ZNFX1: variants seen among roughly 807,000 people sequenced by gnomAD.
The protein encoded by ZNFX1 is zinc finger NFX1-type containing 1.
In ZNFX1, 78 loss-of-function variants were observed where a neutral mutation model predicts 179.8. The ratio of observed to expected loss-of-function variants is 0.43; its 90% CI spans 0.36 to 0.52. ZNFX1 has a LOEUF of 0.52. Among genes scored for constraint, ZNFX1 ranks in the 20% least tolerant of loss-of-function variants. ZNFX1 has a pLI of 0.00. For synonymous variants in ZNFX1, 848 were observed against 868.5 expected (o/e 0.98, Z 0.42); for missense variants, 1,927 against 2,386.6 (o/e 0.81, Z 4.01).
At chr20:49,257,321 T>C in intron 8 of ZNFX1, 96 bp downstream of exon 8, 1 of 1,522,738 alleles carries the variant, frequency 6.6e-7, no homozygotes, top group South Asian at 1.2e-5. Flanking sequence ...ACTTAGCTAA[T>C]TGTAATGGTG....
Position 49,270,473 on chromosome 20 carries a change from G to T in ZNFX1, c.1339C>A (p.Arg447=). The change falls in exon 3 of 14, where the codon CGA becomes AGA. Residue 447 remains arginine (R), a synonymous_variant. Transcript: ENST00000396105. This position sits in a 1 kb window ranked among gnomAD's most constrained non-coding sequence, Gnocchi z 4.6. ...CATACCAAAGACCCATAGAGCAATC[G>T]TTTGGAATTCTGCCAGCGAACAAAC... ...LKFVRWQNSK[R]LLYGSLVCMS... is the part of the protein sequence containing the mutation. The T allele has an allele frequency of 6.2e-7, 1 of 1,614,196 alleles. No individual in the cohort carries two copies. The highest frequency in any genetic ancestry group is 8.5e-7 in the Non-Finnish European group (1 of 1,180,036).
chr20:49,264,910 T>C, intron 4 of ZNFX1, 46 bp from the exon 5 acceptor site: 8 of 1,613,026 alleles, frequency 5.0e-6, no homozygotes, highest in Non-Finnish European at 6.8e-6. Context: ...GAGCTTATGC[T>C]AGGTTCTCTC....
rs370193043 is a variant in ZNFX1, at chr20:49,255,869, C to T, written c.2743G>A (p.Glu915Lys). Residue 915 changes from glutamate to lysine, a missense_variant, in exon 9 of 14, where the codon GAG becomes AAG. By Grantham distance (56) the Glu-to-Lys change is moderately conservative. Coordinates refer to ENST00000396105, the MANE Select transcript of ZNFX1 (RefSeq NM_021035.3). The stretch of plus-strand genomic sequence containing the variant: ...CAAACATCCTCGATCTCGTTGGCCT[C>T]GGCTGCAGTCATGGTGTTCAGTTTG... ...LRKLNTMTAA[E>K]ANEIEDVWQL... 28 of 1,614,104 alleles carry T rather than the reference C, an allele frequency of 1.7e-5. No individual in the cohort carries two copies. The highest frequency in any genetic ancestry group is 2.0e-5 in the Non-Finnish European group (24 of 1,180,022).
chr20:49,251,579 A>AT lies in ZNFX1; in HGVS notation c.3259dup (p.Ile1087AsnfsTer13). 1 of 1,612,766 alleles carries AT rather than the reference A, an allele frequency of 6.2e-7. No homozygotes were observed. Among genetic ancestry groups the AT allele is most frequent in the Middle Eastern group, 1.7e-4 (1 of 6,058 alleles). On this transcript the variant is annotated frameshift_variant, in exon 13 of 14. Transcript: ENST00000396105. LOFTEE classifies it high-confidence loss of function. Reference sequence around the variant, plus strand: ...TGGATGATTCTCCAGATCCTGGTAAATGTGGGGGGTCAAAAGGCGGGCAAT... The same window carrying AT: ...TGGATGATTCTCCAGATCCTGGTAAATTGTGGGGGGTCAAAAGGCGGGCAAT...
chr20:49,257,033 C>T (rs1003004032), intron 8 of ZNFX1, among the ~76,000 whole-genome samples: 12 of 152,162 alleles, frequency 7.9e-5, no homozygotes, highest in African/African-American at 2.9e-4. Flanking sequence ...GGTCTCGCTT[C>T]ATTGCTTACT....
chr20:49,255,869 C>G lies in ZNFX1; in HGVS notation c.2743G>C (p.Glu915Gln). 1 of 1,614,104 alleles carries G rather than the reference C, an allele frequency of 6.2e-7. No individual in the cohort carries two copies. The highest frequency in any genetic ancestry group is 8.5e-7 in the Non-Finnish European group (1 of 1,180,022). Reference protein sequence around the residue: ...LRKLNTMTAAEANEIEDVWQL... With the variant: ...LRKLNTMTAAQANEIEDVWQL... ...CAAACATCCTCGATCTCGTTGGCCT[C>G]GGCTGCAGTCATGGTGTTCAGTTTG... Residue 915 changes from glutamate (E) to glutamine (Q), a missense_variant, in exon 9 of 14, where the codon GAG (glutamate) becomes CAG (glutamine). Coordinates refer to ENST00000396105, the MANE Select transcript of ZNFX1 (RefSeq NM_021035.3).
At chr20:49,256,991 G>T (rs147217702) in intron 8 of ZNFX1, among the ~76,000 whole-genome samples, 1 of 152,322 alleles carries the variant, frequency 6.6e-6, no homozygotes, top group African/African-American at 2.4e-5. Flanking sequence ...ATTCCAGGCT[G>T]AATGAAGGAG....
Position 49,270,439 on chromosome 20 carries a change from T to C in ZNFX1, c.1373A>G (p.Lys458Arg). ...AAAAAGAAATGTCTCGAAGTTGTCC[T>C]TGGACATGCATACCAAAGACCCATA... ...LLYGSLVCMS[K>R]DNFETFLFAT... The change falls in exon 3 of 14, where the codon AAG (lysine) becomes AGG (arginine). Residue 458 changes from lysine to arginine, a missense_variant. By Grantham distance (26) the Lys-to-Arg change is conservative. Transcript: ENST00000396105. The surrounding 1 kb of genome is among the most constrained non-coding windows in gnomAD (Gnocchi z 4.6). 8 of 1,614,230 alleles carry C rather than the reference T, an allele frequency of 5.0e-6. No homozygotes were observed. The highest frequency in any genetic ancestry group is 6.8e-6 in the Non-Finnish European group (8 of 1,180,052).
intron 11 of ZNFX1, among the ~76,000 whole-genome samples, chr20:49,253,293 A>T (rs960943448): frequency 1.3e-5 from 2 of 152,210 alleles, no homozygotes; most frequent in African/African-American, 4.8e-5. Context: ...TTTCAGCTGG[A>T]AAGTGATATT....
chr20:49,255,900 C>A lies in ZNFX1; in HGVS notation c.2712G>T (p.Glu904Asp), dbSNP rs780271824. Residue 904 changes from glutamate (E) to aspartate (D), a missense_variant, in exon 9 of 14, where the codon GAG becomes GAT. Coordinates refer to ENST00000396105, the MANE Select transcript of ZNFX1 (RefSeq NM_021035.3). ...KKKMKKRVKD[E>D]LRKLNTMTAA... is the part of the protein sequence containing the mutation. ...CAGTCATGGTGTTCAGTTTGCGAAG[C>A]TCATCCTTCACTCTTTTTTTCATTT... is the stretch of plus-strand genomic sequence containing the variant. 1 of 1,614,118 alleles carries A rather than the reference C, an allele frequency of 6.2e-7. No homozygotes were observed. Among genetic ancestry groups the A allele is most frequent in the Non-Finnish European group, 8.5e-7 (1 of 1,180,020 alleles).
At chr20:49,274,146 G>A (rs1196872157) in intron 2 of ZNFX1, among the ~76,000 whole-genome samples, 1 of 152,158 alleles carries the variant, frequency 6.6e-6, no homozygotes, top group African/African-American at 2.4e-5. Context: ...TAGGATTCAC[G>A]ATCTGCACTA....
At chr20:49,272,678 G>C (rs1244679963) in intron 2 of ZNFX1, among the ~76,000 whole-genome samples, 1 of 152,162 alleles carries the variant, frequency 6.6e-6, no homozygotes, top group African/African-American at 2.4e-5. Context: ...ATTACAAAGG[G>C]AAGTACTACC....
At chr20:49,260,062 A>C (rs752255073) in intron 7 of ZNFX1, among the ~76,000 whole-genome samples, 1 of 152,184 alleles carries the variant, frequency 6.6e-6, no homozygotes, top group Non-Finnish European at 1.5e-5. Flanking sequence ...TCTAGTTTTT[A>C]ATGAGCACTT....
At position 49,247,371 on chromosome 20, in the gene ZNFX1, T is replaced by C; in HGVS notation, c.5653A>G (p.Arg1885Gly). The change falls in exon 14 of 14, where the codon AGA (arginine) becomes GGA (glycine). Residue 1885 changes from arginine to glycine, a missense_variant. Physicochemically the swap from Arg to Gly is moderately radical, Grantham distance 125 (BLOSUM62 -2). Transcript: ENST00000396105. ...VIGGTNHTLE[R>G]SNQLASEMDG... ...ATTTCAGAAGCAAGCTGGTTGCTTC[T>C]TTCCAGAGTATGATTTGTGCCACCA... 1 of 1,614,212 alleles carries C rather than the reference T, an allele frequency of 6.2e-7. No homozygotes were observed. Among genetic ancestry groups the C allele is most frequent in the Non-Finnish European group, 8.5e-7 (1 of 1,180,044 alleles).
chr20:49,254,233 G>C (rs1980913821), intron 10 of ZNFX1, among the ~76,000 whole-genome samples: 2 of 152,172 alleles, frequency 1.3e-5, no homozygotes, highest in South Asian at 4.1e-4. Context: ...CACCATGTTG[G>C]CCAGGCTGAT....
rs1163422838 is a variant in ZNFX1 at position 49,263,491 on chromosome 20, G to A, written c.2152-8C>T. Reference sequence around the variant, plus strand: ...CTTCATCTGTGTCATGATCTTCCAAGAACAGAGGGAAAGAAATGATGAGGA... The same window carrying A: ...CTTCATCTGTGTCATGATCTTCCAAAAACAGAGGGAAAGAAATGATGAGGA... On this transcript the variant is annotated splice_polypyrimidine_tract_variant and splice_region_variant and intron_variant, in intron 5 of 13. Coordinates refer to ENST00000396105, the MANE Select transcript of ZNFX1 (RefSeq NM_021035.3). 6.4e-7 allele frequency: 1 copy of A among 1,566,804 alleles called. No homozygotes were observed. The highest frequency in any genetic ancestry group is 8.7e-7 in the Non-Finnish European group (1 of 1,154,562).
At chr20:49,262,350 A>C (rs1019088034) in intron 6 of ZNFX1, among the ~76,000 whole-genome samples, 1 of 151,160 alleles carries the variant, frequency 6.6e-6, no homozygotes, top group Non-Finnish European at 1.5e-5. Context: ...AGGTTGTAGT[A>C]AGCCAAGATC....
At chr20:49,266,393 A>G (rs1315181969) in intron 3 of ZNFX1, 127 bp from the exon 4 acceptor site, 1 of 973,456 alleles carries the variant, frequency 1.0e-6, no homozygotes, top group Admixed American at 3.3e-5. Flanking sequence ...AGAAGCGTAC[A>G]TTGTATATTG....
intron 2 of ZNFX1, among the ~76,000 whole-genome samples, chr20:49,273,700 C>T (rs896039433): frequency 5.9e-5 from 9 of 152,038 alleles, no homozygotes; most frequent in African/African-American, 1.9e-4. Context: ...GAGGCTAAGG[C>T]AGGCAGATCG....
Sources: allele counts gnomAD v4.1 joint callset (sites outside exome capture counted in the v4.1 genomes callset), GRCh38; gene constraint gnomAD v4.1.1; non-coding constraint Gnocchi (gnomAD v3.1); transcripts MANE v1.5; gene names NCBI Gene and HGNC (gene_info 2026-07-23, HGNC 2026-07-21).